The following DNAJC13 variants were observed in gnomAD, a reference collection of about 807,000 sequenced individuals.
DNAJC13 encodes dnaJ homolog subfamily C member 13.
DNAJC13 carries 75 observed loss-of-function variants against 290.5 expected under a neutral mutation model. The ratio of observed to expected loss-of-function variants is 0.26; its 90% CI spans 0.21 to 0.31. DNAJC13 has a LOEUF of 0.31. Among genes scored for constraint, DNAJC13 ranks in the 10% least tolerant of loss-of-function variants. The pLI is 1.00. For missense variants in DNAJC13, 2,260 were observed against 2,674.5 expected (o/e 0.85, Z 3.42); for synonymous variants, 862 against 892.0 (o/e 0.97, Z 0.60).
Position 132,484,674 on chromosome 3 carries a change from T to A in DNAJC13, c.3267+2T>A. ...ACTTGCCTTCCCCATATTATTCAGG[T>A]GAGTTATGTAATCAAACTAGGAGCA... On this transcript the variant is annotated splice_donor_variant, in intron 29 of 55. Transcript: ENST00000260818. LOFTEE classifies it high-confidence loss of function. 1 of 1,611,662 alleles carries A rather than the reference T, an allele frequency of 6.2e-7. No homozygotes were observed. Among genetic ancestry groups the A allele is most frequent in the Non-Finnish European group, 8.5e-7 (1 of 1,177,784 alleles).
chr3:132,430,720 ATCTC>A (rs375495588), intron 1 of DNAJC13, among the ~76,000 whole-genome samples: 1 of 152,118 alleles, frequency 6.6e-6, no homozygotes, highest in Non-Finnish European at 1.5e-5. Context: ...ACACCTATAT[ATCTC>A]TCTCTCTCCC....
chr3:132,474,136 T>C (rs548551444), intron 21 of DNAJC13: 7 of 152,234 alleles, frequency 4.6e-5, no homozygotes, highest in African/African-American at 1.4e-4. Flanking sequence ...TCCTAACATA[T>C]ATAGATTGTT....
At chr3:132,479,046 A>G (rs748308859) in intron 24 of DNAJC13, among the ~76,000 whole-genome samples, 181 bp from the exon 25 acceptor site, 2 of 152,226 alleles carry the variant, frequency 1.3e-5, no homozygotes, top group Non-Finnish European at 2.9e-5. Flanking sequence ...TATATAAAGA[A>G]TGTAATTTTC....
rs769339982 is a variant in DNAJC13 at position 132,460,266 on chromosome 3, A to G, written c.1466A>G (p.Tyr489Cys). The stretch of plus-strand genomic sequence containing the variant: ...CATCAATAGCCCATGCATGATGACT[A>G]TGACTTAAGACAAGAACAGTTGAAC... ...CALMCPMHDDYDLRQEQLNKA... is the reference protein window; with the variant it reads ...CALMCPMHDDCDLRQEQLNKA... The change falls in exon 14 of 56, where the codon TAT becomes TGT. Residue 489 changes from tyrosine to cysteine, a missense_variant. Coordinates refer to ENST00000260818, the MANE Select transcript of DNAJC13 (RefSeq NM_015268.4). 11 of 1,610,008 alleles carry G rather than the reference A, an allele frequency of 6.8e-6. No individual in the cohort carries two copies. Among genetic ancestry groups the G allele is most frequent in the East Asian group, 2.2e-5 (1 of 44,796 alleles).
chr3:132,471,008 G>A (rs1426880783), intron 20 of DNAJC13, among the ~76,000 whole-genome samples: 2 of 134,658 alleles, frequency 1.5e-5, no homozygotes, highest in Non-Finnish European at 3.3e-5. Context: ...GCGGCTGGCC[G>A]GGCGGAGGGC....
chr3:132,450,701 G>A lies in DNAJC13; in HGVS notation c.391G>A (p.Glu131Lys), dbSNP rs1045395543. The A allele has an allele frequency of 5.0e-6, 8 of 1,613,174 alleles. No individual in the cohort carries two copies. In the East Asian group the frequency reaches 1.8e-4, roughly 36 times the overall value. Residue 131 changes from glutamate (E) to lysine (K), a missense_variant, in exon 6 of 56, where the codon GAA (glutamate) becomes AAA (lysine). Coordinates refer to ENST00000260818, the MANE Select transcript of DNAJC13 (RefSeq NM_015268.4). Reference protein sequence around the residue: ...WSDSRKPVILEVTPGGFDQIN... With the variant: ...WSDSRKPVILKVTPGGFDQIN... ...TGACTCAAGAAAACCTGTAATTTTG[G>A]AAGTAACTCCAGGAGGCTTTGACCA...
intron 35 of DNAJC13, among the ~76,000 whole-genome samples, chr3:132,495,985 C>T (rs1935223181): frequency 6.6e-6 from 1 of 152,082 alleles, no homozygotes; most frequent in South Asian, 2.1e-4. Flanking sequence ...GATACTGACA[C>T]AAGAATCTAC....
At chr3:132,517,672 T>C (rs1219655598) in intron 48 of DNAJC13, among the ~76,000 whole-genome samples, 1 of 152,138 alleles carries the variant, frequency 6.6e-6, no homozygotes, top group African/African-American at 2.4e-5. Flanking sequence ...AAAGGCACTT[T>C]GGGTAAGGAG....
At chr3:132,510,317 C>T (rs566635008) in intron 43 of DNAJC13, among the ~76,000 whole-genome samples, 1 of 152,236 alleles carries the variant, frequency 6.6e-6, no homozygotes, top group Admixed American at 6.5e-5. Context: ...GATGATTCCT[C>T]ATCACTTCCA....
Position 132,538,306 on chromosome 3 carries a change from G to T in DNAJC13, c.*24G>T, listed in dbSNP as rs376627372. ...GAAATATTCACGAGAGACAATAAAC[G>T]CTGAAAGGCCAGTGCCAAGTCCACA... On this transcript the variant is annotated 3_prime_UTR_variant, in exon 56 of 56. Coordinates refer to ENST00000260818, the MANE Select transcript of DNAJC13 (RefSeq NM_015268.4). 1 of 1,592,856 alleles carries T rather than the reference G, an allele frequency of 6.3e-7. No individual in the cohort carries two copies. The highest frequency in any genetic ancestry group is 8.6e-7 in the Non-Finnish European group (1 of 1,163,816).
chr3:132,533,841 T>C (rs1445047009), intron 55 of DNAJC13, among the ~76,000 whole-genome samples: 1 of 152,146 alleles, frequency 6.6e-6, no homozygotes. Context: ...AGGTCTGTGG[T>C]TAGAATCCAG....
Position 132,461,063 on chromosome 3 carries a change from G to A in DNAJC13, c.1571G>A (p.Gly524Asp). ...KFNSHVDHGT[G>D]ALVISSLLDF... The stretch of plus-strand genomic sequence containing the variant: ...GCATTGTTTCAGGATCATGGGACTG[G>A]TGCCCTAGTTATTAGTTCGCTCTTG... Residue 524 changes from glycine (G) to aspartate (D), a missense_variant, in exon 15 of 56, where the codon GGT (glycine) becomes GAT (aspartate). Physicochemically the swap from Gly to Asp is moderately conservative, Grantham distance 94. This residue lies in a region of DNAJC13 where 762 missense variants were observed against 964.1 expected (regional missense o/e 0.79). Coordinates refer to ENST00000260818, the MANE Select transcript of DNAJC13 (RefSeq NM_015268.4). 6.2e-7 allele frequency: 1 copy of A among 1,613,958 alleles called. No homozygotes were observed. Among genetic ancestry groups the A allele is most frequent in the Non-Finnish European group, 8.5e-7 (1 of 1,179,938 alleles).
At chr3:132,467,414 G>A (rs1048143560) in intron 20 of DNAJC13, 101 bp downstream of exon 20, 2 of 1,154,226 alleles carry the variant, frequency 1.7e-6, no homozygotes, top group Admixed American at 2.4e-5. Flanking sequence ...ATTTCTTGCT[G>A]AATACCTGAA....
At position 132,425,239 on chromosome 3, in the gene DNAJC13, T is replaced by G. The variant is rs549344751; in HGVS notation, c.-14+7479T>G. On this transcript the variant is annotated intron_variant, in intron 1 of 55. Coordinates refer to ENST00000260818, the MANE Select transcript of DNAJC13 (RefSeq NM_015268.4). Reference sequence around the variant, plus strand: ...CTACCCCTCCCTTTTTGGTAAGATATAGCTGTAGGAAGTATTACGTTCATA... The same window carrying G: ...CTACCCCTCCCTTTTTGGTAAGATAGAGCTGTAGGAAGTATTACGTTCATA... Among the ~76,000 whole-genome samples, 4 of 152,310 alleles carry G rather than the reference T, an allele frequency of 2.6e-5. No individual in the cohort carries two copies. In the South Asian group the frequency reaches 8.3e-4, roughly 32 times the overall value.
chr3:132,496,829 G>C (rs1401568421), intron 36 of DNAJC13, among the ~76,000 whole-genome samples, 166 bp downstream of exon 36: 2 of 152,152 alleles, frequency 1.3e-5, no homozygotes, highest in Non-Finnish European at 2.9e-5. Context: ...GTTTTCTAAA[G>C]AAGGGCCCAA....
At chr3:132,427,075 ATG>A (rs10576541) in intron 1 of DNAJC13, among the ~76,000 whole-genome samples, 32,870 of 140,468 alleles carry the variant, frequency 0.23, 3,988 homozygotes, top group African/African-American at 0.32. Context: ...ATATATACAT[ATG>A]TGTGTGTGTG....
intron 1 of DNAJC13, among the ~76,000 whole-genome samples, chr3:132,421,730 A>G (rs1938964666): frequency 6.6e-6 from 1 of 151,990 alleles, no homozygotes; most frequent in Non-Finnish European, 1.5e-5. Context: ...GTGAGCCACC[A>G]TGCCTGGCCC....
At chr3:132,455,491 A>G (rs1251593360) in intron 9 of DNAJC13, among the ~76,000 whole-genome samples, 1 of 152,236 alleles carries the variant, frequency 6.6e-6, no homozygotes, top group Non-Finnish European at 1.5e-5. Flanking sequence ...TTAGGTATCT[A>G]TCCAAGAGAG....
chr3:132,502,232 CTTTT>C (rs11293788), intron 39 of DNAJC13, 53 bp from the exon 40 acceptor site: 1,703 of 1,180,358 alleles, frequency 1.4e-3, no homozygotes, highest in South Asian at 3.6e-3. Flanking sequence ...CTCTTGGGAG[CTTTT>C]TTTTTTTTTT....
Sources: gnomAD v4.1 joint callset for allele counts (sites outside exome capture counted in the v4.1 genomes callset) on GRCh38, gnomAD v4.1.1 for gene constraint, gnomAD v4.1.1 regional missense constraint, MANE v1.5 for transcripts, NCBI Gene and HGNC (gene_info 2026-07-23, HGNC 2026-07-21) for gene names.